The following OTOG variants were observed in gnomAD, a reference collection of about 807,000 sequenced individuals.
The protein encoded by OTOG is otogelin.
A neutral mutation model predicts 313.8 loss-of-function variants in OTOG; 296 were observed. The ratio of observed to expected loss-of-function variants is 0.94; its 90% CI spans 0.86 to 1.04. The LOEUF (loss-of-function observed/expected upper bound fraction) is 1.04. OTOG is among the 50% of genes least tolerant of loss of function. The pLI is 0.00. For missense variants in OTOG, 3,948 were observed against 3,840.1 expected, an observed-to-expected ratio of 1.03 and a Z score of -0.74; for synonymous variants, 1,533 against 1,554.9, an observed-to-expected ratio of 0.99 and a Z score of 0.33.
chr11:17,596,175 G>C (rs1183815293), intron 29 of OTOG, 21 bp downstream of exon 29: 1 of 1,519,268 alleles, frequency 6.6e-7, no homozygotes, highest in Admixed American at 2.0e-5. Flanking sequence ...CCCAGCCTCG[G>C]CTCCTCCCGA....
intron 15 of OTOG, among the ~76,000 whole-genome samples, chr11:17,562,237 CAAAAAAA>C (rs759962274): frequency 1.6e-5 from 1 of 62,686 alleles, no homozygotes; most frequent in East Asian, 6.4e-4. Flanking sequence ...GACTCCGTCT[CAAAAAAA>C]AAAAAAAAAA....
chr11:17,599,731 G>A lies in OTOG; in HGVS notation c.3709+34G>A, dbSNP rs771455697. The A allele has an allele frequency of 3.2e-6, 5 of 1,548,002 alleles. No homozygotes were observed. In the South Asian group the frequency reaches 6.0e-5, roughly 18 times the overall value. The stretch of plus-strand genomic sequence containing the variant: ...CTCCTCCCCACGCAGAGTCTCAGGG[G>A]CTCAGGCACTGCCAGCCCTGTCCTG... On this transcript the variant is annotated intron_variant, in intron 31 of 55. Transcript: ENST00000399397.
At chr11:17,620,370 C>T (rs1853834148) in intron 39 of OTOG, among the ~76,000 whole-genome samples, 1 of 152,160 alleles carries the variant, frequency 6.6e-6, no homozygotes, top group Non-Finnish European at 1.5e-5. Context: ...GCTTCTTTTA[C>T]TGAGCTCCAT....
At chr11:17,611,706 C>T (rs1853553521) in intron 36 of OTOG, among the ~76,000 whole-genome samples, 1 of 152,056 alleles carries the variant, frequency 6.6e-6, no homozygotes, top group East Asian at 1.9e-4. Context: ...TGTTTGTGTT[C>T]ACATGTGTGA....
chr11:17,553,453 C>T lies in OTOG; in HGVS notation c.474C>T (p.Leu158=), dbSNP rs1851989350. The T allele has an allele frequency of 6.8e-7, 1 of 1,468,842 alleles. No individual in the cohort carries two copies. The highest frequency in any genetic ancestry group is 1.4e-5 in the African/African-American group (1 of 70,430). 91.0% of individuals were successfully genotyped at this position (1,468,842 alleles called of 1,614,324 possible). The change falls in exon 6 of 56, where the codon CTC becomes CTT. Residue 158 remains leucine, a synonymous_variant. Transcript: ENST00000399397. ...CATTTGATGGGCTCTACTACTACCT[C>T]TCCGGAAAGGGCAGCTACACCCTGG... ...VETFDGLYYY[L]SGKGSYTLVG... is the part of the protein sequence containing the mutation.
Position 17,633,780 on chromosome 11 carries a change from G to A in OTOG, c.7173G>A (p.Glu2391=), listed in dbSNP as rs1418518833. The A allele has an allele frequency of 1.9e-5, 30 of 1,550,396 alleles. No individual in the cohort carries two copies. The highest frequency in any genetic ancestry group is 2.4e-5 in the Non-Finnish European group (28 of 1,146,978). ...GGATACTAGGGCCTCTGGACCCAGA[G>A]CACTGCCAGGTGCTGGGCGAGGGCT... ...QDGILGPLDP[E]HCQVLGEGCV... The change falls in exon 43 of 56, where the codon GAG becomes GAA. Residue 2391 remains glutamate, a synonymous_variant. Coordinates refer to ENST00000399397, the MANE Select transcript of OTOG (RefSeq NM_001292063.2).
chr11:17,586,254 G>A (rs942626694), intron 23 of OTOG, among the ~76,000 whole-genome samples: 3 of 152,252 alleles, frequency 2.0e-5, no homozygotes, highest in Admixed American at 2.0e-4. Flanking sequence ...GGATGACAGA[G>A]ACTCAGGCTG....
chr11:17,610,122 C>A lies in OTOG; in HGVS notation c.4822C>A (p.Pro1608Thr). ...TAACATCACAGTCTCCTCCCGGTCG[C>A]CCCCTGCCCCTCGCTTCCCGCTCAT... The part of the protein sequence containing the change: ...SPNITVSSRS[P>T]PAPRFPLMTK... The change falls in exon 36 of 56, where the codon CCC becomes ACC. Residue 1608 changes from proline (P) to threonine (T), a missense_variant. Coordinates refer to ENST00000399397, the MANE Select transcript of OTOG (RefSeq NM_001292063.2). 3.2e-6 allele frequency: 5 copies of A among 1,550,606 alleles called. No homozygotes were observed. Among genetic ancestry groups the A allele is most frequent in the East Asian group, 2.4e-5 (1 of 40,908 alleles).
chr11:17,612,519 C>G (rs1853586778), intron 37 of OTOG, 101 bp from the exon 38 acceptor site: 1 of 1,433,188 alleles, frequency 7.0e-7, no homozygotes, highest in Middle Eastern at 2.5e-4. Context: ...CAGGCCTCTG[C>G]ATCCATCCAG....
chr11:17,588,814 C>T (rs534734122), intron 24 of OTOG, among the ~76,000 whole-genome samples: 1 of 151,634 alleles, frequency 6.6e-6, no homozygotes, highest in Admixed American at 6.6e-5. Flanking sequence ...TAGATCTTGC[C>T]GTTCCCAACA....
At chr11:17,615,566 A>G (rs370433235) in intron 39 of OTOG, among the ~76,000 whole-genome samples, 24 of 152,294 alleles carry the variant, frequency 1.6e-4, no homozygotes, top group Non-Finnish European at 2.8e-4. Context: ...AAATGTGAAT[A>G]CTCAATTTTT....
intron 28 of OTOG, among the ~76,000 whole-genome samples, chr11:17,594,952 A>G (rs148358427): frequency 3.4e-4 from 52 of 152,330 alleles, no homozygotes; most frequent in African/African-American, 1.2e-3. Context: ...CTCAGCTGGA[A>G]GGAGGACTGT....
At chr11:17,580,205 TGGG>T (rs1852634757) in intron 23 of OTOG, among the ~76,000 whole-genome samples, 3 of 152,212 alleles carry the variant, frequency 2.0e-5, no homozygotes, top group Non-Finnish European at 4.4e-5. Context: ...TCTTTGAATC[TGGG>T]GTCTGGCCAA....
chr11:17,554,013 G>A (rs189020389), intron 6 of OTOG, among the ~76,000 whole-genome samples: 3 of 152,324 alleles, frequency 2.0e-5, no homozygotes, highest in African/African-American at 7.2e-5. Flanking sequence ...TCACATTTAA[G>A]TTGAGGTTTA....
At chr11:17,579,190 C>G (rs903593068) in intron 23 of OTOG, among the ~76,000 whole-genome samples, 3 of 152,200 alleles carry the variant, frequency 2.0e-5, no homozygotes, top group African/African-American at 4.8e-5. Flanking sequence ...GGCTTGGCAA[C>G]AGCCGGCTGT....
At chr11:17,571,760 T>TGC (rs756019770) in intron 17 of OTOG, among the ~76,000 whole-genome samples, 1 of 151,004 alleles carries the variant, frequency 6.6e-6, no homozygotes, top group Non-Finnish European at 1.5e-5. Flanking sequence ...TGTGTCTGCG[T>TGC]GTGTGTGTGT....
Position 17,634,849 on chromosome 11 carries a change from A to G in OTOG, c.7486A>G (p.Asn2496Asp). ...CCTGTGGTCCCCGGGGCCAGTGTGT[A>G]ACCAGACTCTGTGTGAGGGTCTCGC... ...PCCLGTVCVC[N>D]QTLCEGLAPT... Residue 2496 changes from asparagine to aspartate, a missense_variant, in exon 45 of 56, where the codon AAC (asparagine) becomes GAC (aspartate). By Grantham distance (23) the Asn-to-Asp change is conservative. Coordinates refer to ENST00000399397, the MANE Select transcript of OTOG (RefSeq NM_001292063.2). The G allele has an allele frequency of 1.3e-6, 2 of 1,549,448 alleles. No individual in the cohort carries two copies. The highest frequency in any genetic ancestry group is 2.0e-5 in the Admixed American group (1 of 50,970).
chr11:17,576,852 C>T lies in OTOG; in HGVS notation c.2562-16C>T. 6.5e-7 allele frequency: 1 copy of T among 1,550,218 alleles called. No homozygotes were observed. The highest frequency in any genetic ancestry group is 2.0e-5 in the Admixed American group (1 of 50,956). On this transcript the variant is annotated splice_polypyrimidine_tract_variant and intron_variant, in intron 21 of 55. Transcript: ENST00000399397. The stretch of plus-strand genomic sequence containing the variant: ...TGACTGGGTCGGCTAACCCCAGGGC[C>T]CGTCTCTCTCTGCAGCCACTGCAAA...
At position 17,612,188 on chromosome 11, in the gene OTOG, C is replaced by T. The variant is rs1223857705; in HGVS notation, c.6150C>T (p.Arg2050=). ...CVPIAEQDCV[R]HICLEGQLIR... is the part of the protein sequence containing the mutation. ...CAATCGCCGAGCAGGACTGCGTCCGCCACATCTGCCTGGAGGGCCAGCTGA... is the reference window on the plus strand; with the variant it reads ...CAATCGCCGAGCAGGACTGCGTCCGTCACATCTGCCTGGAGGGCCAGCTGA... The change falls in exon 37 of 56, where the codon CGC becomes CGT. Residue 2050 remains arginine (R), a synonymous_variant. Transcript: ENST00000399397. The T allele has an allele frequency of 3.9e-6, 6 of 1,549,884 alleles. No homozygotes were observed. The highest frequency in any genetic ancestry group is 5.2e-6 in the Non-Finnish European group (6 of 1,147,006).
Sources: gnomAD v4.1 joint callset for allele counts (sites outside exome capture counted in the v4.1 genomes callset) on GRCh38, gnomAD v4.1.1 for gene constraint, MANE v1.5 for transcripts, NCBI Gene and HGNC (gene_info 2026-07-23, HGNC 2026-07-21) for gene names.